The following WRN variants were observed in gnomAD, a reference collection of about 807,000 sequenced individuals.
The protein encoded by WRN is WRN RecQ like helicase.
Under a neutral mutation model 180.7 loss-of-function variants are expected in WRN, and 149 were observed. The ratio of observed to expected loss-of-function variants is 0.82; its 90% CI spans 0.72 to 0.94. The LOEUF (loss-of-function observed/expected upper bound fraction) is 0.94. WRN is among the 40% of genes least tolerant of loss of function. The probability of loss-of-function intolerance (pLI) is 0.00; values close to 1 mark genes in which losing one functional copy is unlikely to be tolerated. For synonymous variants in WRN, 548 were observed against 568.9 expected (o/e 0.96, Z 0.52); for missense variants, 1,661 against 1,700.1 (o/e 0.98, Z 0.40).
At chr8:31,167,631 TGTTA>T (rs2130516826) in intron 34 of WRN, among the ~76,000 whole-genome samples, 1 of 152,252 alleles carries the variant, frequency 6.6e-6, no homozygotes, top group East Asian at 1.9e-4. Flanking sequence ...CTTCATGCTC[TGTTA>T]GTATGATATT....
chr8:31,124,859 CAT>C (rs774034017), intron 22 of WRN, 47 bp from the exon 23 acceptor site: 1 of 1,531,058 alleles, frequency 6.5e-7, no homozygotes, highest in South Asian at 1.1e-5. Context: ...ATGAACTTAA[CAT>C]ATACGTTTCT....
chr8:31,104,694 G>A (rs1386060288), intron 18 of WRN, among the ~76,000 whole-genome samples: 1 of 152,172 alleles, frequency 6.6e-6, no homozygotes, highest in Non-Finnish European at 1.5e-5. Flanking sequence ...TGAGGTTTAA[G>A]TCAAGGTTCA....
intron 26 of WRN, among the ~76,000 whole-genome samples, chr8:31,142,011 G>A (rs540191553): frequency 5.9e-5 from 9 of 151,950 alleles, no homozygotes; most frequent in Non-Finnish European, 1.2e-4. Flanking sequence ...GTGCAGTGGT[G>A]CGATCATAGC....
chr8:31,057,826 T>A (rs965523436), intron 1 of WRN, among the ~76,000 whole-genome samples: 4 of 152,266 alleles, frequency 2.6e-5, no homozygotes, highest in African/African-American at 9.6e-5. Context: ...AATTTTGGTT[T>A]ACATTGAGGA....
chr8:31,113,095 A>G (rs985169920), intron 19 of WRN, among the ~76,000 whole-genome samples: 4 of 150,254 alleles, frequency 2.7e-5, no homozygotes, highest in South Asian at 4.3e-4. Context: ...AGTCCCAGCT[A>G]TTTGGGAGGC....
chr8:31,172,139 T>TTGTGTG (rs560889099), intron 34 of WRN, among the ~76,000 whole-genome samples: 1 of 150,808 alleles, frequency 6.6e-6, no homozygotes, highest in Non-Finnish European at 1.5e-5. Context: ...AACACTACCT[T>TTGTGTG]TGTGTGTGTG....
At chr8:31,070,894 A>C (rs189635375) in intron 7 of WRN, among the ~76,000 whole-genome samples, 62 of 152,124 alleles carry the variant, frequency 4.1e-4, no homozygotes, top group African/African-American at 1.4e-3. Context: ...AAAATACAAA[A>C]AATTAGCTGA....
chr8:31,132,637 T>C, intron 24 of WRN, 131 bp downstream of exon 24: 13 of 1,263,462 alleles, frequency 1.0e-5, no homozygotes, highest in Non-Finnish European at 1.3e-5. Context: ...AGAGTCTTAC[T>C]AAGTTCCAGT....
chr8:31,157,100 G>C (rs573532978), intron 32 of WRN, among the ~76,000 whole-genome samples: 43 of 152,220 alleles, frequency 2.8e-4, no homozygotes, highest in Non-Finnish European at 4.9e-4. Context: ...AAAGTGAATA[G>C]AGAGGGGCGA....
At chr8:31,106,194 A>G (rs1281513919) in intron 18 of WRN, among the ~76,000 whole-genome samples, 1 of 152,176 alleles carries the variant, frequency 6.6e-6, no homozygotes, top group Non-Finnish European at 1.5e-5. Context: ...GAATATATGC[A>G]GAATTAAATC....
At chr8:31,049,230 A>G (rs1305162031) in intron 1 of WRN, among the ~76,000 whole-genome samples, 3 of 149,926 alleles carry the variant, frequency 2.0e-5, no homozygotes, top group Non-Finnish European at 4.5e-5. Context: ...AAAAAAAAAA[A>G]AAAAAAAGAA....
chr8:31,150,757 A>T (rs892595940), intron 31 of WRN, among the ~76,000 whole-genome samples: 1 of 152,192 alleles, frequency 6.6e-6, no homozygotes, highest in Admixed American at 6.5e-5. Context: ...TTACATTCAA[A>T]TGTGGTAGTT....
At chr8:31,058,235 A>G in intron 1 of WRN, 137 bp from the exon 2 acceptor site, 1 of 511,904 alleles carries the variant, frequency 2.0e-6, no homozygotes, top group Non-Finnish European at 3.5e-6. Flanking sequence ...TAAATGTATA[A>G]TTATTAGATG....
intron 3 of WRN, 140 bp from the exon 4 acceptor site, chr8:31,064,149 G>T: frequency 3.7e-6 from 3 of 815,240 alleles, no homozygotes; most frequent in South Asian, 2.0e-5. Flanking sequence ...CATATTTTCT[G>T]GCTGTTCATT....
At position 31,076,023 on chromosome 8, in the gene WRN, A is replaced by T. The variant is rs184429517; in HGVS notation, c.725-150A>T. 6.5e-4 allele frequency: 438 copies of T among 678,440 alleles called. 2 individuals carry two copies. Among genetic ancestry groups the T allele is most frequent in the Admixed American group, 1.2e-3 (49 of 39,594 alleles). The allele number at this position is 678,440 out of a possible 1,614,324, so 42.0% of individuals were successfully genotyped here. On this transcript the variant is annotated intron_variant, in intron 7 of 34. Coordinates refer to ENST00000298139, the MANE Select transcript of WRN (RefSeq NM_000553.6). ...AAAGAGAGGGAAAGTGATTGAGGCAATTTGGGGATTGAATAAGAAGGTCTT... is the reference window on the plus strand; with the variant it reads ...AAAGAGAGGGAAAGTGATTGAGGCATTTTGGGGATTGAATAAGAAGGTCTT...
At chr8:31,081,661 GTC>G (rs546655467) in intron 9 of WRN, among the ~76,000 whole-genome samples, 5 of 152,100 alleles carry the variant, frequency 3.3e-5, no homozygotes, top group African/African-American at 4.8e-5. Flanking sequence ...CATAATAGAT[GTC>G]TCTGCTTTTT....
Position 31,111,780 on chromosome 8 carries a change from C to G in WRN, c.2254C>G (p.Pro752Ala). ...KTGNILQDLQ[P>A]FLVKTSSHWE... is the part of the protein sequence containing the mutation. ...AGGGAATATCCTTCAGGATCTGCAG[C>G]CATTTCTTGTCAAAACAAGGTAAGG... The change falls in exon 19 of 35, where the codon CCA becomes GCA. Residue 752 changes from proline (P) to alanine (A), a missense_variant. Around this residue, in one of 3 missense-constraint regions of WRN, gnomAD observed 1,141 missense variants for 1,149.4 expected, o/e 0.99. Coordinates refer to ENST00000298139, the MANE Select transcript of WRN (RefSeq NM_000553.6). The G allele has an allele frequency of 6.2e-7, 1 of 1,613,342 alleles. No individual in the cohort carries two copies.
At chr8:31,091,086 C>A in intron 15 of WRN, 144 bp downstream of exon 15, 1 of 723,460 alleles carries the variant, frequency 1.4e-6, no homozygotes, top group Non-Finnish European at 2.4e-6. Flanking sequence ...AATAAATGAC[C>A]CTTTAGTGGA....
intron 7 of WRN, among the ~76,000 whole-genome samples, chr8:31,072,527 T>TCTCA (rs1438008994): frequency 1.3e-5 from 2 of 151,892 alleles, no homozygotes; most frequent in Non-Finnish European, 2.9e-5. Flanking sequence ...AGAGACAGGG[T>TCTCA]CTCATTATGT....
Sources: gnomAD v4.1 joint callset for allele counts (sites outside exome capture counted in the v4.1 genomes callset) on GRCh38, gnomAD v4.1.1 for gene constraint, gnomAD v4.1.1 regional missense constraint, MANE v1.5 for transcripts, NCBI Gene and HGNC (gene_info 2026-07-23, HGNC 2026-07-21) for gene names.